HS6ST2: variants seen among roughly 807,000 people sequenced by gnomAD.
HS6ST2 encodes heparan-sulfate 6-O-sulfotransferase 2.
In HS6ST2, 17 loss-of-function variants were observed where a neutral mutation model predicts 33.0. The ratio of observed to expected loss-of-function variants is 0.52; its 90% confidence interval spans 0.35 to 0.77. The LOEUF (loss-of-function observed/expected upper bound fraction) is 0.77, where lower values mean the gene tolerates loss of function less well. Ranked by LOEUF, HS6ST2 falls within the 30% of genes least tolerant of loss-of-function variation. HS6ST2 has a pLI of 0.01. For synonymous variants in HS6ST2, 248 were observed against 237.1 expected, an observed-to-expected ratio of 1.05 and a Z score of -0.42; for missense variants, 519 against 551.7, an observed-to-expected ratio of 0.94 and a Z score of 0.59.
chrX:132,918,879 C>T (rs1312180140), intron 2 of HS6ST2, among the ~76,000 whole-genome samples: 1 of 112,277 alleles, frequency 8.9e-6, no homozygotes, highest in African/African-American at 3.2e-5. Flanking sequence ...CTTCTTTATG[C>T]TCAGTCCTTA....
chrX:132,719,836 G>C (rs981787294), intron 2 of HS6ST2, among the ~76,000 whole-genome samples: 2 of 112,371 alleles, frequency 1.8e-5, no homozygotes, highest in African/African-American at 6.5e-5. Context: ...TTGTCTTCAG[G>C]ATCCAAGGAA....
intron 3 of HS6ST2, among the ~76,000 whole-genome samples, chrX:132,695,478 C>T (rs189679376): frequency 4.5e-5 from 5 of 111,884 alleles, no homozygotes; most frequent in South Asian, 3.8e-4. Flanking sequence ...AATGCTTAAT[C>T]AGATTTTCCC....
intron 2 of HS6ST2, among the ~76,000 whole-genome samples, chrX:132,927,022 A>G (rs1278061607): frequency 2.7e-5 from 3 of 111,222 alleles, no homozygotes; most frequent in South Asian, 7.7e-4. Context: ...GCATCTCAAC[A>G]TGGCGACTCC....
intron 2 of HS6ST2, among the ~76,000 whole-genome samples, chrX:132,882,766 C>A (rs1426462820): frequency 9.0e-6 from 1 of 111,063 alleles, no homozygotes. Flanking sequence ...GTGGGATTGT[C>A]ATAAATAGTT....
At chrX:132,767,415 C>T (rs760977354) in intron 2 of HS6ST2, among the ~76,000 whole-genome samples, 14 of 111,675 alleles carry the variant, frequency 1.3e-4, no homozygotes, top group African/African-American at 4.2e-4. Flanking sequence ...GAAGAGGTCT[C>T]GCTGTTTTGC....
chrX:132,885,574 A>C (rs1293990671), intron 2 of HS6ST2, among the ~76,000 whole-genome samples: 1 of 111,547 alleles, frequency 9.0e-6, no homozygotes, highest in African/African-American at 3.3e-5. Context: ...TACAGTCATA[A>C]TAATCATAAC....
intron 4 of HS6ST2, among the ~76,000 whole-genome samples, chrX:132,666,640 A>C (rs2063812333): frequency 9.0e-6 from 1 of 111,138 alleles, no homozygotes; most frequent in African/African-American, 3.3e-5. Context: ...ACACTCAGTC[A>C]ACACATATTC....
chrX:132,922,831 G>C (rs904201872), intron 2 of HS6ST2, among the ~76,000 whole-genome samples: 2 of 111,596 alleles, frequency 1.8e-5, no homozygotes, highest in African/African-American at 6.5e-5. Flanking sequence ...GGGAGGCCTT[G>C]GCGGGTGGAT....
At chrX:132,837,839 CTG>C (rs2065660066) in intron 2 of HS6ST2, among the ~76,000 whole-genome samples, 1 of 111,995 alleles carries the variant, frequency 8.9e-6, no homozygotes, top group Non-Finnish European at 1.9e-5. Flanking sequence ...TTGCTGTACT[CTG>C]TGCATTATTT....
chrX:132,819,985 T>C (rs1465543958), intron 2 of HS6ST2, among the ~76,000 whole-genome samples: 1 of 112,308 alleles, frequency 8.9e-6, no homozygotes, highest in Non-Finnish European at 1.9e-5. Flanking sequence ...TTCTTCCCAC[T>C]TCACGGGGGT....
chrX:132,897,191 T>C (rs750032134), intron 2 of HS6ST2, among the ~76,000 whole-genome samples: 7 of 109,703 alleles, frequency 6.4e-5, no homozygotes, highest in Non-Finnish European at 9.5e-5. Context: ...GGTTGAGAGA[T>C]ACCTGTTGCC....
intron 2 of HS6ST2, among the ~76,000 whole-genome samples, chrX:132,954,784 C>T (rs1043788195): frequency 1.8e-5 from 2 of 112,207 alleles, no homozygotes; most frequent in African/African-American, 6.5e-5. Context: ...TAGTATCACC[C>T]TTTTAATAAC....
chrX:132,925,705 G>A (rs763075006), intron 2 of HS6ST2, among the ~76,000 whole-genome samples: 4 of 111,546 alleles, frequency 3.6e-5, no homozygotes, highest in Non-Finnish European at 7.5e-5. Context: ...TGAATTAGGA[G>A]TTACTTTTAA....
intron 2 of HS6ST2, among the ~76,000 whole-genome samples, chrX:132,955,990 C>A (rs1355422160): frequency 8.9e-6 from 1 of 111,755 alleles, no homozygotes; most frequent in Non-Finnish European, 1.9e-5. Flanking sequence ...GGGTCCAGGG[C>A]ACCATCCCAG....
intron 4 of HS6ST2, among the ~76,000 whole-genome samples, chrX:132,638,208 C>G (rs926895449): frequency 9.4e-6 from 1 of 106,605 alleles, no homozygotes; most frequent in African/African-American, 3.4e-5. Context: ...AGGAGGAAGG[C>G]GTTCAAATCA....
chrX:132,891,536 TC>T (rs2066311635), intron 2 of HS6ST2, among the ~76,000 whole-genome samples: 1 of 108,737 alleles, frequency 9.2e-6, no homozygotes, highest in East Asian at 2.9e-4. Flanking sequence ...CCCTCCACAC[TC>T]CCCCCACCCC....
intron 2 of HS6ST2, among the ~76,000 whole-genome samples, chrX:132,888,208 A>G (rs1602817306): frequency 9.0e-6 from 1 of 111,550 alleles, no homozygotes; most frequent in South Asian, 3.9e-4. Context: ...GACATTCCCG[A>G]GACTGGGTAA....
intron 3 of HS6ST2, among the ~76,000 whole-genome samples, chrX:132,678,184 T>C (rs1013505855): frequency 9.0e-6 from 1 of 111,628 alleles, no homozygotes; most frequent in African/African-American, 3.3e-5. Context: ...CAATACCCTG[T>C]CTCTACAAAA....
In HS6ST2 at chrX:132,892,245, C is replaced by T. The variant is rs749594028; in HGVS notation, c.947+64563G>A. On this transcript the variant is annotated intron_variant, in intron 2 of 4. Transcript: ENST00000370833. ...CAACAGTATTTTTGTTAAAAATGTC[C>T]AATCCGGTTATAAGATTCTTGACTC... Among the ~76,000 whole-genome samples the T allele has an allele frequency of 2.7e-5, 3 of 111,745 alleles. No homozygotes were observed. In the South Asian group the frequency reaches 1.1e-3, roughly 42 times the overall value.
Sources: allele counts gnomAD v4.1 joint callset (sites outside exome capture counted in the v4.1 genomes callset), GRCh38; gene constraint gnomAD v4.1.1; transcripts MANE v1.5; gene names NCBI Gene and HGNC (gene_info 2026-07-23, HGNC 2026-07-21).